Variants in DISP1 observed in about 807,000 individuals in gnomAD.
DISP1 encodes dispatched RND transporter family member 1, also known as protein dispatched homolog 1.
In DISP1, 30 loss-of-function variants were observed where a neutral mutation model predicts 37.3. The ratio of observed to expected loss-of-function variants is 0.80; its 90% CI spans 0.60 to 1.09. DISP1 has a LOEUF of 1.09. Among genes scored for constraint, DISP1 ranks in the 50% least tolerant of loss-of-function variants. The probability of loss-of-function intolerance (pLI) is 0.00; values close to 1 mark genes in which losing one functional copy is unlikely to be tolerated. For synonymous variants in DISP1, 634 were observed against 690.2 expected (o/e 0.92, Z 1.28); for missense variants, 1,598 against 1,879.5 (o/e 0.85, Z 2.77).
intron 1 of DISP1, among the ~76,000 whole-genome samples, chr1:222,891,539 C>T (rs1670942485): frequency 6.6e-6 from 1 of 151,866 alleles, no homozygotes. Flanking sequence ...TAAAAAACAT[C>T]CATATTTAAA....
At chr1:222,855,171 C>G (rs1668480638) in intron 1 of DISP1, among the ~76,000 whole-genome samples, 2 of 152,148 alleles carry the variant, frequency 1.3e-5, no homozygotes, top group Non-Finnish European at 2.9e-5. Flanking sequence ...CTTGAGGGTT[C>G]CATCATGTAT....
At chr1:222,817,711 G>A (rs1661601000) in intron 1 of DISP1, among the ~76,000 whole-genome samples, 2 of 152,164 alleles carry the variant, frequency 1.3e-5, no homozygotes, top group South Asian at 4.1e-4. Flanking sequence ...TTCCTCTGGT[G>A]AGTTAGACCT....
At chr1:222,869,159 G>A (rs1246920397) in intron 1 of DISP1, among the ~76,000 whole-genome samples, 3 of 152,104 alleles carry the variant, frequency 2.0e-5, no homozygotes, top group Admixed American at 6.6e-5. Flanking sequence ...CCAAATAAGT[G>A]TAAATGCTCC....
At chr1:222,839,336 C>T (rs779059163) in intron 1 of DISP1, among the ~76,000 whole-genome samples, 8 of 152,134 alleles carry the variant, frequency 5.3e-5, no homozygotes, top group East Asian at 1.9e-4. Context: ...AGTTTCCTAC[C>T]GAAACCATCA....
intron 1 of DISP1, among the ~76,000 whole-genome samples, chr1:222,912,243 A>G (rs1346078792): frequency 6.6e-6 from 1 of 152,214 alleles, no homozygotes; most frequent in East Asian, 1.9e-4. Context: ...GCTTAATCAT[A>G]TCTTCATATC....
rs567691013 is a variant in DISP1 at position 222,833,010 on chromosome 1, A to C, written c.-159+17932A>C. Among the ~76,000 whole-genome samples the C allele has an allele frequency of 3.9e-4, 59 of 152,208 alleles. No homozygotes were observed. The South Asian group carries it at 0.012, about 31-fold the overall frequency. ...CACACCTTAAATAAATCACAACCCAAATAATCTTGTACCCATCTCTTCAGC... is the reference window on the plus strand; with the variant it reads ...CACACCTTAAATAAATCACAACCCACATAATCTTGTACCCATCTCTTCAGC... On this transcript the variant is annotated intron_variant, in intron 1 of 8. Coordinates refer to ENST00000675850, the MANE Select transcript of DISP1 (RefSeq NM_001377229.1).
chr1:222,853,419 A>T (rs1346744790), intron 1 of DISP1, among the ~76,000 whole-genome samples: 1 of 152,202 alleles, frequency 6.6e-6, no homozygotes, highest in South Asian at 2.1e-4. Context: ...AGGAAAGGAA[A>T]TATCAATGAG....
chr1:222,991,950 T>C, intron 6 of DISP1, 63 bp from the exon 7 acceptor site: 1 of 1,297,862 alleles, frequency 7.7e-7, no homozygotes, highest in Non-Finnish European at 1.1e-6. Context: ...ATGTTTCCAG[T>C]ATGCTTATCA....
At chr1:222,979,535 G>T (rs1036121445) in intron 3 of DISP1, 3 of 464,128 alleles carry the variant, frequency 6.5e-6, no homozygotes, top group Non-Finnish European at 1.3e-5. Context: ...TGTGGTATAT[G>T]AATTATATCT....
intron 3 of DISP1, among the ~76,000 whole-genome samples, chr1:222,956,745 G>A (rs1460487542): frequency 6.6e-6 from 1 of 152,034 alleles, no homozygotes; most frequent in African/African-American, 2.4e-5. Context: ...CTTCATTCCA[G>A]TATTCCATGC....
chr1:222,982,530 A>G (rs1677909051), intron 3 of DISP1, among the ~76,000 whole-genome samples: 1 of 152,238 alleles, frequency 6.6e-6, no homozygotes, highest in Non-Finnish European at 1.5e-5. Context: ...ATAAAACAGT[A>G]TGGGAAAGAG....
Position 222,871,798 on chromosome 1 carries a change from G to T in DISP1, c.-158-56632G>T, listed in dbSNP as rs370176998. On this transcript the variant is annotated intron_variant, in intron 1 of 8. Coordinates refer to ENST00000675850, the MANE Select transcript of DISP1 (RefSeq NM_001377229.1). ...GTTTATTTCCTTCTCCTGCCTGATT[G>T]CCCTGGCCAGAACTTCCAACACTAT... Among the ~76,000 whole-genome samples, 636 of 152,204 alleles carry T rather than the reference G, an allele frequency of 4.2e-3. 12 individuals are homozygous for T. Among genetic ancestry groups the T allele is most frequent in the Admixed American group, 0.018 (274 of 15,288 alleles).
At chr1:222,856,057 C>T (rs971104173) in intron 1 of DISP1, among the ~76,000 whole-genome samples, 28 of 152,234 alleles carry the variant, frequency 1.8e-4, no homozygotes, top group Non-Finnish European at 3.4e-4. Context: ...ATATTTTGAG[C>T]TCCATCACTA....
chr1:222,992,266 T>C (rs532326778), intron 7 of DISP1, among the ~76,000 whole-genome samples, 156 bp downstream of exon 7: 4 of 152,318 alleles, frequency 2.6e-5, no homozygotes, highest in African/African-American at 9.6e-5. Flanking sequence ...AACTTTTTCT[T>C]TTACTTCTCT....
At chr1:222,915,360 C>T (rs1479057921) in intron 1 of DISP1, among the ~76,000 whole-genome samples, 1 of 152,032 alleles carries the variant, frequency 6.6e-6, no homozygotes, top group Non-Finnish European at 1.5e-5. Context: ...ATTACCAAGG[C>T]ATTACACTTG....
chr1:222,846,878 C>G (rs942356850), intron 1 of DISP1, among the ~76,000 whole-genome samples: 4 of 152,202 alleles, frequency 2.6e-5, no homozygotes, highest in African/African-American at 9.7e-5. Flanking sequence ...TTCACTGCGA[C>G]TAATTTTTTA....
At chr1:222,982,340 C>T (rs946517834) in intron 3 of DISP1, among the ~76,000 whole-genome samples, 1 of 152,208 alleles carries the variant, frequency 6.6e-6, no homozygotes, top group African/African-American at 2.4e-5. Context: ...CTTTAGACCA[C>T]ACTGTGATAA....
At chr1:222,855,872 AAG>A (rs1187618449) in intron 1 of DISP1, among the ~76,000 whole-genome samples, 3 of 150,446 alleles carry the variant, frequency 2.0e-5, no homozygotes, top group African/African-American at 7.4e-5. Flanking sequence ...CTCCAATTAT[AAG>A]AGAGACAAGA....
intron 1 of DISP1, among the ~76,000 whole-genome samples, chr1:222,870,176 A>C (rs1174927795): frequency 6.6e-6 from 1 of 152,078 alleles, no homozygotes; most frequent in East Asian, 1.9e-4. Context: ...CATTTTCTTA[A>C]TCCAGTCTAT....
Sources: allele counts gnomAD v4.1 joint callset (sites outside exome capture counted in the v4.1 genomes callset), GRCh38; gene constraint gnomAD v4.1.1; transcripts MANE v1.5; gene names NCBI Gene and HGNC (gene_info 2026-07-23, HGNC 2026-07-21).